SERPINI1: variants seen among roughly 807,000 people sequenced by gnomAD.
SERPINI1 encodes the protein serpin family I member 1, also known as neuroserpin.
SERPINI1 carries 19 observed loss-of-function variants against 41.1 expected under a neutral mutation model. The observed-to-expected ratio is 0.46, with a 90% confidence interval of 0.32 to 0.68. The LOEUF is 0.68. Ranked by LOEUF, SERPINI1 falls within the 30% of genes least tolerant of loss-of-function variation. SERPINI1 has a pLI of 0.03. For synonymous variants in SERPINI1, 138 were observed against 156.6 expected, an observed-to-expected ratio of 0.88 and a Z score of 0.89; for missense variants, 460 against 479.2, an observed-to-expected ratio of 0.96 and a Z score of 0.37.
chr3:167,794,756 C>A lies in SERPINI1; in HGVS notation c.813C>A (p.Val271=). The A allele has an allele frequency of 6.2e-7, 1 of 1,613,598 alleles. No individual in the cohort carries two copies. Among genetic ancestry groups the A allele is most frequent in the Non-Finnish European group, 8.5e-7 (1 of 1,179,796 alleles). The change falls in exon 5 of 9, where the codon GTC becomes GTA. Residue 271 remains valine, a synonymous_variant. Coordinates refer to ENST00000446050, the MANE Select transcript of SERPINI1 (RefSeq NM_001122752.2). ...EVPLATLEPL[V]KAQLVEEWAN... is the part of the protein sequence containing the mutation. ...CTCTTGCTACTCTGGAGCCATTAGTCAAAGCACAGCTGGTTGAAGAATGGG... is the reference window on the plus strand; with the variant it reads ...CTCTTGCTACTCTGGAGCCATTAGTAAAAGCACAGCTGGTTGAAGAATGGG...
At chr3:167,799,504 C>CGT (rs1433970941) in intron 5 of SERPINI1, among the ~76,000 whole-genome samples, 4 of 152,026 alleles carry the variant, frequency 2.6e-5, no homozygotes, top group East Asian at 1.9e-4. Context: ...AATAAACATA[C>CGT]GTGTGTGTGT....
At chr3:167,794,211 T>C (rs6765204) in intron 4 of SERPINI1, among the ~76,000 whole-genome samples, 3 of 151,780 alleles carry the variant, frequency 2.0e-5, no homozygotes, top group East Asian at 1.9e-4. Flanking sequence ...AAAATAAAAA[T>C]CAAGTCTTGA....
chr3:167,781,349 A>G (rs1201469584), intron 1 of SERPINI1, among the ~76,000 whole-genome samples: 1 of 152,168 alleles, frequency 6.6e-6, no homozygotes, highest in African/African-American at 2.4e-5. Context: ...GAGTTCAAAA[A>G]TATCTACTTC....
intron 1 of SERPINI1, among the ~76,000 whole-genome samples, chr3:167,759,400 G>GTATATATATATATATATATA (rs71753556): frequency 0.033 from 3,912 of 120,260 alleles, 195 homozygotes; most frequent in Non-Finnish European, 0.044. Flanking sequence ...AGAAAATGTG[G>GTATATATATATATATATATA]TATATATATA....
intron 4 of SERPINI1, among the ~76,000 whole-genome samples, chr3:167,793,279 A>G (rs1034464996): frequency 1.3e-5 from 2 of 152,130 alleles, no homozygotes; most frequent in African/African-American, 4.8e-5. Context: ...ATATAATTCA[A>G]TATCTTTGGC....
chr3:167,793,838 ATGTGTGTGTGTG>A (rs56401913), intron 4 of SERPINI1, among the ~76,000 whole-genome samples: 3 of 141,238 alleles, frequency 2.1e-5, no homozygotes, highest in Non-Finnish European at 3.1e-5. Flanking sequence ...GGCCATATGT[ATGTGTGTGTGTG>A]TGTGTGTGTG....
At chr3:167,759,654 A>G (rs543525344) in intron 1 of SERPINI1, among the ~76,000 whole-genome samples, 1 of 152,184 alleles carries the variant, frequency 6.6e-6, no homozygotes, top group South Asian at 2.1e-4. Flanking sequence ...GTGAGTGTTG[A>G]AAAGCTACCT....
At chr3:167,745,427 C>G (rs1464571974) in intron 1 of SERPINI1, among the ~76,000 whole-genome samples, 1 of 151,970 alleles carries the variant, frequency 6.6e-6, no homozygotes, top group Non-Finnish European at 1.5e-5. Flanking sequence ...AGTACATCTA[C>G]AGAAAACATA....
intron 5 of SERPINI1, among the ~76,000 whole-genome samples, chr3:167,802,826 A>C (rs1711503468): frequency 6.6e-6 from 1 of 150,892 alleles, no homozygotes; most frequent in Non-Finnish European, 1.5e-5. Context: ...ACACATGCAC[A>C]CGTATGTTTA....
chr3:167,788,009 A>C (rs1034700712), intron 1 of SERPINI1, among the ~76,000 whole-genome samples: 1 of 152,238 alleles, frequency 6.6e-6, no homozygotes, highest in Non-Finnish European at 1.5e-5. Flanking sequence ...CAATTTTCCA[A>C]ATGCATTTGC....
At chr3:167,787,611 A>C (rs1243000367) in intron 1 of SERPINI1, among the ~76,000 whole-genome samples, 1 of 152,212 alleles carries the variant, frequency 6.6e-6, no homozygotes, top group African/African-American at 2.4e-5. Context: ...CCTGCCCCGC[A>C]GCAGTGCACT....
rs77787972 is a variant in SERPINI1, at chr3:167,823,150, T to C, written c.1066+78T>C. 5,445 of 1,020,674 alleles carry C rather than the reference T, an allele frequency of 5.3e-3. 160 individuals carry two copies. The African/African-American group carries it at 0.069, about 13-fold the overall frequency. The allele number at this position is 1,020,674 out of a possible 1,614,324, so 63.2% of individuals were successfully genotyped here. On this transcript the variant is annotated intron_variant, in intron 7 of 8. Transcript: ENST00000446050. ...ATCTTGAGTGGGGAGTGGGGTCATT[T>C]TCAAAATGAAGCCAAAAAAGTCACT... is the stretch of plus-strand genomic sequence containing the variant.
rs886058165 is a variant in SERPINI1 at position 167,735,753 on chromosome 3, A to AGAGCG, written c.-79_-75dup. On this transcript the variant is annotated 5_prime_UTR_variant, in exon 1 of 9. Coordinates refer to ENST00000446050, the MANE Select transcript of SERPINI1 (RefSeq NM_001122752.2). The stretch of plus-strand genomic sequence containing the variant: ...CCCGGGAGAGACGAAAGCAGGAACG[A>AGAGCG]GAGCGGAGCGGAGCACAGTCCGCCG... 2.0e-5 allele frequency: 3 copies of AGAGCG among 152,486 alleles called. No individual in the cohort carries two copies. Among genetic ancestry groups the AGAGCG allele is most frequent in the East Asian group, 3.9e-4 (2 of 5,174 alleles). 9.4% of individuals were successfully genotyped at this position (152,486 alleles called of 1,614,324 possible). A position where few individuals can be genotyped will look rare whatever the true frequency, so the allele number is the denominator to read the frequency against.
intron 1 of SERPINI1, among the ~76,000 whole-genome samples, chr3:167,739,564 G>C (rs1407123729): frequency 6.6e-6 from 1 of 152,180 alleles, no homozygotes; most frequent in Non-Finnish European, 1.5e-5. Flanking sequence ...AAAGGAGTCT[G>C]CAACTGGTGG....
In SERPINI1 at chr3:167,792,582, C is replaced by T; in HGVS notation, c.482-8C>T. The T allele has an allele frequency of 6.2e-7, 1 of 1,610,568 alleles. No homozygotes were observed. ...TGAATTTTTATCTATTCATTTTTTCCTAAATAGATCTGGTGAAAGATTTGG... is the reference window on the plus strand; with the variant it reads ...TGAATTTTTATCTATTCATTTTTTCTTAAATAGATCTGGTGAAAGATTTGG... On this transcript the variant is annotated splice_polypyrimidine_tract_variant and splice_region_variant and intron_variant, in intron 3 of 8. Coordinates refer to ENST00000446050, the MANE Select transcript of SERPINI1 (RefSeq NM_001122752.2).
intron 1 of SERPINI1, among the ~76,000 whole-genome samples, chr3:167,758,587 A>G (rs899111689): frequency 6.6e-6 from 1 of 152,238 alleles, no homozygotes; most frequent in African/African-American, 2.4e-5. Flanking sequence ...ATGATGAGTA[A>G]CAGGATATTT....
intron 1 of SERPINI1, among the ~76,000 whole-genome samples, chr3:167,787,536 T>C (rs1333332678): frequency 6.6e-6 from 1 of 152,166 alleles, no homozygotes; most frequent in African/African-American, 2.4e-5. Context: ...CTGAAATCAG[T>C]AGACTGGCAG....
At chr3:167,742,080 A>C (rs1725698325) in intron 1 of SERPINI1, among the ~76,000 whole-genome samples, 1 of 149,494 alleles carries the variant, frequency 6.7e-6, no homozygotes, top group Admixed American at 6.6e-5. Flanking sequence ...TTTAAAAAAT[A>C]AATAAGGAAA....
intron 1 of SERPINI1, among the ~76,000 whole-genome samples, chr3:167,744,522 T>C (rs933085721): frequency 1.3e-5 from 2 of 149,372 alleles, no homozygotes; most frequent in African/African-American, 4.9e-5. Flanking sequence ...ACAGTAAGAT[T>C]AAGAGCCAAA....
Sources: gnomAD v4.1 joint callset for allele counts (sites outside exome capture counted in the v4.1 genomes callset) on GRCh38, gnomAD v4.1.1 for gene constraint, MANE v1.5 for transcripts, NCBI Gene and HGNC (gene_info 2026-07-23, HGNC 2026-07-21) for gene names.